Variants in ADGRV1 observed in about 807,000 individuals in gnomAD.
The protein encoded by ADGRV1 is G-protein coupled receptor 98.
ADGRV1 carries 359 observed loss-of-function variants against 596.2 expected under a neutral mutation model. The observed-to-expected ratio is 0.60, with a 90% CI of 0.55 to 0.66. The LOEUF (loss-of-function observed/expected upper bound fraction) is 0.66, where lower values mean the gene tolerates loss of function less well. Among genes scored for constraint, ADGRV1 ranks in the 30% least tolerant of loss-of-function variants. The pLI is 0.00. For missense variants in ADGRV1, 7,274 were observed against 7,575.6 expected (o/e 0.96, Z 1.48); for synonymous variants, 2,681 against 2,679.2 (o/e 1.00, Z -0.02).
chr5:90,805,076 A>G (rs1482456956), intron 71 of ADGRV1: 1 of 374,414 alleles, frequency 2.7e-6, no homozygotes, highest in Non-Finnish European at 4.7e-6. Context: ...TGATTAAAAA[A>G]AGAAAAAGCT....
chr5:90,876,590 T>C (rs746909000), intron 83 of ADGRV1, among the ~76,000 whole-genome samples: 6 of 152,232 alleles, frequency 3.9e-5, no homozygotes, highest in Non-Finnish European at 7.3e-5. Context: ...CAATCCACAC[T>C]TGAGCAACCT....
intron 1 of ADGRV1, among the ~76,000 whole-genome samples, chr5:90,599,174 C>T (rs978147785): frequency 2.0e-5 from 3 of 152,060 alleles, no homozygotes; most frequent in African/African-American, 7.2e-5. Flanking sequence ...AAAGTATGTT[C>T]GTGAAAGCCA....
chr5:90,749,527 T>G (rs2149939248), intron 52 of ADGRV1, among the ~76,000 whole-genome samples: 1 of 152,346 alleles, frequency 6.6e-6, no homozygotes, highest in East Asian at 1.9e-4. Flanking sequence ...TGTAAAATAT[T>G]GCTAAAGGAT....
intron 52 of ADGRV1, among the ~76,000 whole-genome samples, chr5:90,747,879 C>G (rs186776645): frequency 6.6e-6 from 1 of 152,286 alleles, no homozygotes; most frequent in Admixed American, 6.5e-5. Flanking sequence ...TGAACACTTT[C>G]CTGCATAAGC....
At position 90,711,041 on chromosome 5, in the gene ADGRV1, T is replaced by C. The variant is rs1288773551; in HGVS notation, c.8885T>C (p.Ile2962Thr). ...GCCAATGATGGGGCCCGAGGTGTAA[T>C]TGAATGGCAACAAAGCAGGTAAGGC... ...IDANDGARGV[I>T]EWQQSRFEVN... The change falls in exon 40 of 90, where the codon ATT (isoleucine) becomes ACT (threonine). Residue 2962 changes from isoleucine to threonine, a missense_variant. Transcript: ENST00000405460. 3.1e-6 allele frequency: 5 copies of C among 1,610,794 alleles called. No homozygotes were observed. Among genetic ancestry groups the C allele is most frequent in the Non-Finnish European group, 3.4e-6 (4 of 1,178,188 alleles).
chr5:91,085,424 A>G (rs1477671998), intron 86 of ADGRV1, among the ~76,000 whole-genome samples: 1 of 152,154 alleles, frequency 6.6e-6, no homozygotes, highest in Non-Finnish European at 1.5e-5. Context: ...TTTTTAATTG[A>G]TAAGTCTTAA....
At chr5:90,735,321 T>A (rs188972383) in intron 50 of ADGRV1, among the ~76,000 whole-genome samples, 3 of 152,352 alleles carry the variant, frequency 2.0e-5, no homozygotes, top group African/African-American at 7.2e-5. Flanking sequence ...ATCAATTGGT[T>A]GTGAAAGTGT....
At position 90,617,863 on chromosome 5, in the gene ADGRV1, C is replaced by G; in HGVS notation, c.267C>G (p.Ala89=). The G allele has an allele frequency of 6.3e-7, 1 of 1,599,714 alleles. No individual in the cohort carries two copies. Among genetic ancestry groups the G allele is most frequent in the Non-Finnish European group, 8.5e-7 (1 of 1,172,242 alleles). The part of the protein sequence containing the change: ...FDTYAAAFIP[A]GETNRTVYIA... ...CATATGCTGCAGCTTTTATACCTGC[C>G]GGAGAAACAAACAGAACAGTGTACA... is the stretch of plus-strand genomic sequence containing the variant. Residue 89 remains alanine, a synonymous_variant, in exon 3 of 90, where the codon GCC becomes GCG. Coordinates refer to ENST00000405460, the MANE Select transcript of ADGRV1 (RefSeq NM_032119.4).
intron 1 of ADGRV1, among the ~76,000 whole-genome samples, chr5:90,587,876 A>G (rs1414156961): frequency 6.6e-6 from 1 of 152,044 alleles, no homozygotes; most frequent in Non-Finnish European, 1.5e-5. Context: ...CTCTTAAGTA[A>G]TTATTATTTG....
chr5:90,970,218 G>A (rs1210102331), intron 84 of ADGRV1, among the ~76,000 whole-genome samples: 1 of 152,212 alleles, frequency 6.6e-6, no homozygotes, highest in Admixed American at 6.5e-5. Context: ...GGTAAACAAA[G>A]CAGCAGGGAA....
At chr5:90,737,617 G>A (rs1753414940) in intron 50 of ADGRV1, among the ~76,000 whole-genome samples, 1 of 151,580 alleles carries the variant, frequency 6.6e-6, no homozygotes, top group South Asian at 2.1e-4. Context: ...TCCAATGTTG[G>A]GTGTATGTAT....
chr5:90,706,376 C>A lies in ADGRV1; in HGVS notation c.8712C>A (p.Ile2904=). The change falls in exon 38 of 90, where the codon ATC becomes ATA. Residue 2904 remains isoleucine (I), a synonymous_variant. Coordinates refer to ENST00000405460, the MANE Select transcript of ADGRV1 (RefSeq NM_032119.4). ...AAGAAGGGGAAACAGCAGCAGCCAT[C>A]AACATTACCATTCTTGAGGTAAAAC... ...ILEEGETAAA[I]NITILEDDVP... is the part of the protein sequence containing the mutation. 1 of 1,597,848 alleles carries A rather than the reference C, an allele frequency of 6.3e-7. No homozygotes were observed. Among genetic ancestry groups the A allele is most frequent in the South Asian group, 1.2e-5 (1 of 86,098 alleles).
At chr5:90,974,842 T>C (rs1779412091) in intron 84 of ADGRV1, among the ~76,000 whole-genome samples, 1 of 152,096 alleles carries the variant, frequency 6.6e-6, no homozygotes, top group Non-Finnish European at 1.5e-5. Flanking sequence ...AAGCCGAAAT[T>C]GACAAATGGG....
At chr5:90,917,012 T>C (rs1473429335) in intron 83 of ADGRV1, among the ~76,000 whole-genome samples, 1 of 152,200 alleles carries the variant, frequency 6.6e-6, no homozygotes, top group Non-Finnish European at 1.5e-5. Context: ...TCATTGTAAG[T>C]TAGTAGAAAA....
At chr5:90,686,751 G>A (rs1364097631) in intron 29 of ADGRV1, among the ~76,000 whole-genome samples, 4 of 152,272 alleles carry the variant, frequency 2.6e-5, no homozygotes, top group Admixed American at 1.3e-4. Flanking sequence ...GGCTGGGTCA[G>A]ATGGTATTTC....
At chr5:90,750,440 A>G in intron 52 of ADGRV1, 111 bp from the exon 53 acceptor site, 2 of 755,996 alleles carry the variant, frequency 2.6e-6, no homozygotes, top group East Asian at 2.5e-5. Context: ...TTACTATGTC[A>G]TGTTGCTTAG....
intron 74 of ADGRV1, among the ~76,000 whole-genome samples, chr5:90,815,118 T>C (rs1179655888): frequency 6.6e-6 from 1 of 152,148 alleles, no homozygotes; most frequent in African/African-American, 2.4e-5. Context: ...ATGGATAGCA[T>C]AGAGGGTCTT....
At chr5:90,704,838 G>T (rs1349385713) in intron 36 of ADGRV1, among the ~76,000 whole-genome samples, 1 of 151,584 alleles carries the variant, frequency 6.6e-6, no homozygotes, top group Non-Finnish European at 1.5e-5. Flanking sequence ...TTGCGACAGG[G>T]TCTCACTCTG....
At position 91,118,371 on chromosome 5, in the gene ADGRV1, CA is replaced by C. The variant is rs368614527; in HGVS notation, c.18432+16042del. On this transcript the variant is annotated intron_variant, in intron 87 of 89. Transcript: ENST00000405460. ...TATTTAAACAGTTTAAAGTAATTGG[CA>C]AAAAAAAAAACTTCCAAAAAAATTA... 5.7e-3 allele frequency among the ~76,000 whole-genome samples: 801 copies of C among 140,794 alleles called. 3 individuals are homozygous for C. The highest frequency in any genetic ancestry group is 0.016 in the African/African-American group (609 of 38,672). The allele number at this position is 140,794 out of a possible 152,430, so 92.4% of individuals were successfully genotyped here.
Sources: gnomAD v4.1 joint callset for allele counts (sites outside exome capture counted in the v4.1 genomes callset) on GRCh38, gnomAD v4.1.1 for gene constraint, MANE v1.5 for transcripts, NCBI Gene and HGNC (gene_info 2026-07-23, HGNC 2026-07-21) for gene names.